The following MYLK variants were observed in gnomAD, a reference collection of about 807,000 sequenced individuals.
The protein encoded by MYLK is myosin light chain kinase.
MYLK carries 106 observed loss-of-function variants against 203.4 expected under a neutral mutation model. That is an observed-to-expected ratio of 0.52 (90% CI 0.45 to 0.61). The LOEUF (loss-of-function observed/expected upper bound fraction) is 0.61. MYLK is among the 20% of genes least tolerant of loss of function. The probability of loss-of-function intolerance (pLI) is 0.00; values close to 1 mark genes in which losing one functional copy is unlikely to be tolerated. For synonymous variants in MYLK, 867 were observed against 959.5 expected, an observed-to-expected ratio of 0.90 and a Z score of 1.78; for missense variants, 2,072 against 2,442.3, an observed-to-expected ratio of 0.85 and a Z score of 3.20.
intron 15 of MYLK, 36 bp from the exon 16 acceptor site, chr3:123,708,039 G>A (rs1247751623): frequency 6.2e-7 from 1 of 1,612,942 alleles, no homozygotes; most frequent in Non-Finnish European, 8.5e-7. Context: ...AAACAGGGAT[G>A]TCCCTCAGCA....
chr3:123,621,295 A>G (rs2057841734), intron 31 of MYLK: 1 of 152,194 alleles, frequency 6.6e-6, no homozygotes, highest in African/African-American at 2.4e-5. Context: ...GGCACAACCA[A>G]GTCTTTCCAC....
At position 123,714,350 on chromosome 3, in the gene MYLK, G is replaced by T. The variant is rs575694828; in HGVS notation, c.1805-4457C>A. 2.0e-5 allele frequency among the ~76,000 whole-genome samples: 3 copies of T among 152,288 alleles called. No individual in the cohort carries two copies. The South Asian group carries it at 6.2e-4, about 32-fold the overall frequency. On this transcript the variant is annotated intron_variant, in intron 13 of 33. Coordinates refer to ENST00000360304, the MANE Select transcript of MYLK (RefSeq NM_053025.4). The stretch of plus-strand genomic sequence containing the variant: ...GTCTCAATTCTGTGAGGAGCTTTCT[G>T]TCATCATCCATATTCATGTCCAGAG...
At chr3:123,659,020 A>G (rs2059480723) in intron 23 of MYLK, among the ~76,000 whole-genome samples, 1 of 152,154 alleles carries the variant, frequency 6.6e-6, no homozygotes, top group African/African-American at 2.4e-5. Flanking sequence ...AAGCACTTTC[A>G]CTGGCTGTTT....
intron 20 of MYLK, among the ~76,000 whole-genome samples, chr3:123,677,004 C>G (rs1480259572): frequency 2.6e-5 from 4 of 152,214 alleles, no homozygotes; most frequent in African/African-American, 9.6e-5. Context: ...AGCCAGCATG[C>G]TTGTCTCCCC....
At chr3:123,708,582 G>A (rs566162101) in intron 15 of MYLK, 116 bp downstream of exon 15, 11 of 1,155,744 alleles carry the variant, frequency 9.5e-6, no homozygotes, top group African/African-American at 4.6e-5. Flanking sequence ...ACTGAGGGAC[G>A]AGAGGGCCCT....
At chr3:123,858,130 T>C (rs2031576165) in intron 2 of MYLK, among the ~76,000 whole-genome samples, 1 of 152,216 alleles carries the variant, frequency 6.6e-6, no homozygotes, top group African/African-American at 2.4e-5. Context: ...TTGGGAGCTA[T>C]CTGCTTGTCA....
chr3:123,722,312 G>A, intron 12 of MYLK, 32 bp from the exon 13 acceptor site: 1 of 1,553,652 alleles, frequency 6.4e-7, no homozygotes, highest in African/African-American at 1.4e-5. Flanking sequence ...GCTCAGGCCA[G>A]GCAGCACTGG....
chr3:123,812,151 G>T (rs1404736211), intron 3 of MYLK, among the ~76,000 whole-genome samples: 1 of 152,102 alleles, frequency 6.6e-6, no homozygotes, highest in Non-Finnish European at 1.5e-5. Context: ...TTGCCCCCCA[G>T]TTCTGTTCCC....
chr3:123,772,392 G>C (rs1292222448), intron 4 of MYLK, among the ~76,000 whole-genome samples: 1 of 151,784 alleles, frequency 6.6e-6, no homozygotes, highest in East Asian at 1.9e-4. Context: ...CAGTAAGTGT[G>C]GATAACTTGA....
intron 2 of MYLK, among the ~76,000 whole-genome samples, chr3:123,872,792 T>C (rs1254492204): frequency 6.6e-6 from 1 of 151,934 alleles, no homozygotes; most frequent in Non-Finnish European, 1.5e-5. Context: ...TGATTAGGAG[T>C]TTTTATGGAG....
chr3:123,700,687 G>T lies in MYLK; in HGVS notation c.2781C>A (p.Ala927=). The change falls in exon 18 of 34, where the codon GCC becomes GCA. Residue 927 remains alanine (A), a synonymous_variant. Coordinates refer to ENST00000360304, the MANE Select transcript of MYLK (RefSeq NM_053025.4). ...TTGGCTTCACTTGCCGCTGCAGGTT[G>T]GCACGGAAATCCATCTGCTCGGCTG... ...EIPAEQMDFR[A]NLQRQVKPKT... is the part of the protein sequence containing the mutation. The T allele has an allele frequency of 1.2e-6, 2 of 1,614,096 alleles. No individual in the cohort carries two copies. The highest frequency in any genetic ancestry group is 1.7e-6 in the Non-Finnish European group (2 of 1,180,022).
In MYLK at chr3:123,862,070, C is replaced by T. The variant is rs13073584; in HGVS notation, c.-127+14489G>A. 8.2e-3 allele frequency among the ~76,000 whole-genome samples: 1,256 copies of T among 152,340 alleles called. 12 individuals are homozygous for T. The highest frequency in any genetic ancestry group is 0.02 in the Middle Eastern group (6 of 294). On this transcript the variant is annotated intron_variant, in intron 2 of 33. Coordinates refer to ENST00000360304, the MANE Select transcript of MYLK (RefSeq NM_053025.4). ...TTGGAATCCGAGCCAGCAGTCAGTG[C>T]CCTTCCTAAGGAAGGCTCTAAGGCC...
At chr3:123,681,405 T>C (rs529645537) in intron 20 of MYLK, 1 of 152,318 alleles carries the variant, frequency 6.6e-6, no homozygotes, top group African/African-American at 2.4e-5. Flanking sequence ...TGAAAGGTAA[T>C]TGCTTGAACA....
intron 5 of MYLK, among the ~76,000 whole-genome samples, chr3:123,749,012 T>C (rs1443663863): frequency 1.3e-5 from 2 of 152,054 alleles, no homozygotes; most frequent in Admixed American, 1.3e-4. Flanking sequence ...GAGGTTGCAG[T>C]GAGCCAAGAT....
At chr3:123,864,070 C>A (rs781654261) in intron 2 of MYLK, among the ~76,000 whole-genome samples, 1 of 152,024 alleles carries the variant, frequency 6.6e-6, no homozygotes, top group Non-Finnish European at 1.5e-5. Flanking sequence ...CAAAAACAGG[C>A]CAAATGAAAG....
At chr3:123,703,589 TGCCAG>T (rs1466214999) in intron 16 of MYLK, among the ~76,000 whole-genome samples, 3 of 152,196 alleles carry the variant, frequency 2.0e-5, no homozygotes, top group Admixed American at 2.0e-4. Flanking sequence ...ACCTCATGGG[TGCCAG>T]GCCCTGGGAG....
At position 123,610,335 on chromosome 3, in the gene MYLK, T is replaced by C. The variant is rs2057221421; in HGVS notation, c.*3770A>G. On this transcript the variant is annotated 3_prime_UTR_variant, in exon 34 of 34. Coordinates refer to ENST00000360304, the MANE Select transcript of MYLK (RefSeq NM_053025.4). ...GCCTGTATCAGGATAGTCTAGGTTA[T>C]GTTGCAGCCACTGAGAACCCCAAAA... 1 of 152,212 alleles carries C rather than the reference T, an allele frequency of 6.6e-6. No homozygotes were observed. Among genetic ancestry groups the C allele is most frequent in the Admixed American group, 6.5e-5 (1 of 15,268 alleles). 9.4% of individuals were successfully genotyped at this position (152,212 alleles called of 1,614,324 possible).
chr3:123,624,374 T>C (rs1330061295), intron 31 of MYLK: 1 of 151,858 alleles, frequency 6.6e-6, no homozygotes, highest in Non-Finnish European at 1.5e-5. Flanking sequence ...CTGACTGATT[T>C]AACTGAAAAA....
intron 4 of MYLK, among the ~76,000 whole-genome samples, chr3:123,779,922 A>G (rs1389491378): frequency 6.6e-6 from 1 of 152,208 alleles, no homozygotes; most frequent in Non-Finnish European, 1.5e-5. Flanking sequence ...TTAGAGCCTC[A>G]GCAAGTTGAG....
Sources: gnomAD v4.1 joint callset for allele counts (sites outside exome capture counted in the v4.1 genomes callset) on GRCh38, gnomAD v4.1.1 for gene constraint, MANE v1.5 for transcripts, NCBI Gene and HGNC (gene_info 2026-07-23, HGNC 2026-07-21) for gene names.